Variants in SPTLC1 observed in about 807,000 individuals in gnomAD.
The protein encoded by SPTLC1 is serine palmitoyltransferase 1.
A neutral mutation model predicts 68.9 loss-of-function variants in SPTLC1; 55 were observed. The ratio of observed to expected loss-of-function variants is 0.80; its 90% CI spans 0.64 to 1.00. The LOEUF is 1.00. Among genes scored for constraint, SPTLC1 ranks in the 50% least tolerant of loss-of-function variants. The pLI is 0.00. For missense variants in SPTLC1, 449 were observed against 573.1 expected, an observed-to-expected ratio of 0.78 and a Z score of 2.21; for synonymous variants, 197 against 201.6, an observed-to-expected ratio of 0.98 and a Z score of 0.19.
At chr9:92,043,031 C>T (rs1833404303) in intron 12 of SPTLC1, among the ~76,000 whole-genome samples, 2 of 152,164 alleles carry the variant, frequency 1.3e-5, no homozygotes, top group Non-Finnish European at 2.9e-5. Flanking sequence ...AGTCCCTCTT[C>T]AGAGAAAAAC....
At chr9:92,047,796 T>A in intron 9 of SPTLC1, 88 bp from the exon 10 acceptor site, 1 of 820,212 alleles carries the variant, frequency 1.2e-6, no homozygotes, top group Non-Finnish European at 2.1e-6. Flanking sequence ...TTAACAGCAT[T>A]AAACTGTCTG....
At position 92,050,069 on chromosome 9, in the gene SPTLC1, T is replaced by C; in HGVS notation, c.781-2A>G. The C allele has an allele frequency of 6.4e-7, 1 of 1,570,308 alleles. No homozygotes were observed. The highest frequency in any genetic ancestry group is 8.8e-7 in the Non-Finnish European group (1 of 1,140,728). On this transcript the variant is annotated splice_acceptor_variant, in intron 8 of 14. Coordinates refer to ENST00000262554, the MANE Select transcript of SPTLC1 (RefSeq NM_006415.4). LOFTEE classifies it high-confidence loss of function. ...TTTGTATTTGTATTTTAACTTAACC[T>C]AAGTGTTATATAAACGTTAAAATAC...
chr9:92,042,570 A>G (rs562100564), intron 12 of SPTLC1, among the ~76,000 whole-genome samples: 6 of 152,354 alleles, frequency 3.9e-5, no homozygotes, highest in Non-Finnish European at 7.3e-5. Context: ...CCATAAAGGT[A>G]CAAGGGCTTT....
Position 92,075,006 on chromosome 9 carries a change from T to C in SPTLC1, c.427+5010A>G, listed in dbSNP as rs552551586. Reference sequence around the variant, plus strand: ...GGTTTCAGAGACAGCCCACACTACTTTAGCCAGGCCCTCTCCCGTGACCTG... The same window carrying C: ...GGTTTCAGAGACAGCCCACACTACTCTAGCCAGGCCCTCTCCCGTGACCTG... On this transcript the variant is annotated intron_variant, in intron 5 of 14. Transcript: ENST00000262554. Among the ~76,000 whole-genome samples the C allele has an allele frequency of 3.3e-5, 5 of 152,210 alleles. No homozygotes were observed. The South Asian group carries it at 1.0e-3, about 32-fold the overall frequency.
In SPTLC1 at chr9:92,114,372, C is replaced by T. The variant is rs534667467; in HGVS notation, c.57+942G>A. On this transcript the variant is annotated intron_variant, in intron 1 of 14. Transcript: ENST00000262554. ...TTAAATGAATGAACACTAAGATTGA[C>T]ATTCTGGTTTCTTATTATCTTATGT... Among the ~76,000 whole-genome samples the T allele has an allele frequency of 2.0e-5, 3 of 152,286 alleles. No homozygotes were observed. The South Asian group carries it at 6.2e-4, about 32-fold the overall frequency.
intron 5 of SPTLC1, chr9:92,079,601 C>G (rs759476356): frequency 1.3e-6 from 2 of 1,555,558 alleles, no homozygotes; most frequent in South Asian, 2.2e-5. Flanking sequence ...TTTATCCCCC[C>G]TCCCTCCACC....
At position 92,068,066 on chromosome 9, in the gene SPTLC1, T is replaced by G; in HGVS notation, c.460A>C (p.Lys154Gln). 1 of 1,614,110 alleles carries G rather than the reference T, an allele frequency of 6.2e-7. No homozygotes were observed. Among genetic ancestry groups the G allele is most frequent in the East Asian group, 2.2e-5 (1 of 44,842 alleles). ...VHLDLEDRLA[K>Q]FMKTEEAIIY... ...ATGGCTTCTTCTGTCTTCATAAATT[T>G]TGCCAGGCGGTCTTCCAAATCCAAA... Residue 154 changes from lysine (K) to glutamine (Q), a missense_variant, in exon 6 of 15, where the codon AAA becomes CAA. Around this residue, in one of 3 missense-constraint regions of SPTLC1, gnomAD observed 391 missense variants for 472.1 expected, o/e 0.83. Transcript: ENST00000262554.
chr9:92,072,271 C>T (rs944593288), intron 5 of SPTLC1, among the ~76,000 whole-genome samples: 3 of 152,238 alleles, frequency 2.0e-5, no homozygotes, highest in African/African-American at 7.2e-5. Flanking sequence ...CCTCTGTCTA[C>T]GGATCGGGTA....
chr9:92,055,834 T>C (rs1833868931), intron 7 of SPTLC1, among the ~76,000 whole-genome samples: 1 of 152,202 alleles, frequency 6.6e-6, no homozygotes, highest in African/African-American at 2.4e-5. Flanking sequence ...TACATCATAA[T>C]GGGGCTGACA....
chr9:92,077,316 T>C (rs908400902), intron 5 of SPTLC1, among the ~76,000 whole-genome samples: 1 of 152,084 alleles, frequency 6.6e-6, no homozygotes, highest in Admixed American at 6.5e-5. Flanking sequence ...TCCTTTTACC[T>C]ACTCCAGATA....
At chr9:92,040,999 A>G (rs907261201) in intron 12 of SPTLC1, among the ~76,000 whole-genome samples, 1 of 152,172 alleles carries the variant, frequency 6.6e-6, no homozygotes, top group Non-Finnish European at 1.5e-5. Flanking sequence ...TTCCTTAACA[A>G]AAGACTTTGC....
chr9:92,050,303 G>A (rs985324974), intron 8 of SPTLC1: 3 of 462,470 alleles, frequency 6.5e-6, no homozygotes, highest in South Asian at 4.4e-5. Context: ...TACCTGACAC[G>A]TGTTTTCCCA....
rs145919327 is a variant in SPTLC1, at chr9:92,112,873, C to A, written c.58-311G>T. Among the ~76,000 whole-genome samples, 448 of 152,174 alleles carry A rather than the reference C, an allele frequency of 2.9e-3. 3 individuals are homozygous for A. The highest frequency in any genetic ancestry group is 0.01 in the African/African-American group (424 of 41,512). Reference sequence around the variant, plus strand: ...TTGTAATCCCAGCACTTTGGGAGGCCAAGGTGGGCAGATCACCTGAGGGCG... The same window carrying A: ...TTGTAATCCCAGCACTTTGGGAGGCAAAGGTGGGCAGATCACCTGAGGGCG... On this transcript the variant is annotated intron_variant, in intron 1 of 14. Coordinates refer to ENST00000262554, the MANE Select transcript of SPTLC1 (RefSeq NM_006415.4).
chr9:92,039,488 G>A lies in SPTLC1; in HGVS notation c.1137-1123C>T, dbSNP rs117024868. Among the ~76,000 whole-genome samples the A allele has an allele frequency of 6.3e-3, 955 of 152,146 alleles. 21 individuals carry two copies. Among genetic ancestry groups the A allele is most frequent in the East Asian group, 0.045 (232 of 5,174 alleles). The stretch of plus-strand genomic sequence containing the variant: ...CAGGCTGGCTGCAGTGCAGTGGCAC[G>A]ATCTCGGCTACTATCTAGTCAGGTT... On this transcript the variant is annotated intron_variant, in intron 12 of 14. Transcript: ENST00000262554.
intron 13 of SPTLC1, among the ~76,000 whole-genome samples, chr9:92,035,494 A>C (rs1458552297): frequency 6.6e-6 from 1 of 152,242 alleles, no homozygotes; most frequent in African/African-American, 2.4e-5. Context: ...CTACTAAAAT[A>C]AAGAAAGCAC....
chr9:92,035,086 TA>T (rs1169744721), intron 13 of SPTLC1, among the ~76,000 whole-genome samples: 15 of 152,220 alleles, frequency 9.9e-5, no homozygotes, highest in African/African-American at 3.6e-4. Flanking sequence ...CTCTGTTGTG[TA>T]GTGCCCAGCA....
chr9:92,055,430 C>G lies in SPTLC1; in HGVS notation c.755G>C (p.Gly252Ala). The G allele has an allele frequency of 6.2e-7, 1 of 1,613,798 alleles. No individual in the cohort carries two copies. Among genetic ancestry groups the G allele is most frequent in the Non-Finnish European group, 8.5e-7 (1 of 1,179,914 alleles). ...IVVEGLYMNT[G>A]TICPLPELVK... ...CAATTCTGGAAGAGGACAAATAGTT[C>G]CAGTATTCATATACAATCCTTCTAC... Residue 252 changes from glycine (G) to alanine (A), a missense_variant, in exon 8 of 15, where the codon GGA (glycine) becomes GCA (alanine). This residue lies in a region of SPTLC1 where 391 missense variants were observed against 472.1 expected (regional missense o/e 0.83). Transcript: ENST00000262554.
chr9:92,109,068 C>T (rs912057470), intron 2 of SPTLC1: 1 of 431,822 alleles, frequency 2.3e-6, no homozygotes, highest in African/African-American at 2.0e-5. Context: ...TGACCACTAA[C>T]AGGAGCTCTC....
At chr9:92,085,520 AG>A (rs1835086853) in intron 3 of SPTLC1, among the ~76,000 whole-genome samples, 1 of 151,090 alleles carries the variant, frequency 6.6e-6, no homozygotes, top group Non-Finnish European at 1.5e-5. Context: ...ATTCAGGAGC[AG>A]GTTGTTCAGT....
Sources: gnomAD v4.1 joint callset for allele counts (sites outside exome capture counted in the v4.1 genomes callset) on GRCh38, gnomAD v4.1.1 for gene constraint, gnomAD v4.1.1 regional missense constraint, MANE v1.5 for transcripts, NCBI Gene and HGNC (gene_info 2026-07-23, HGNC 2026-07-21) for gene names.